The following BTAF1 variants were observed in gnomAD, a reference collection of about 807,000 sequenced individuals.
BTAF1 encodes the protein TATA-binding protein-associated factor 172.
A neutral mutation model predicts 227.1 loss-of-function variants in BTAF1; 38 were observed. The ratio of observed to expected loss-of-function variants is 0.17; its 90% CI spans 0.13 to 0.22. BTAF1 has a LOEUF of 0.22. BTAF1 is among the 10% of genes least tolerant of loss of function. BTAF1 has a pLI of 1.00. For synonymous variants in BTAF1, 742 were observed against 751.9 expected (o/e 0.99, Z 0.21); for missense variants, 1,598 against 2,204.0 (o/e 0.73, Z 5.51).
intron 19 of BTAF1, among the ~76,000 whole-genome samples, chr10:91,986,102 A>C (rs2133999683): frequency 2.0e-5 from 3 of 151,184 alleles, no homozygotes; most frequent in Middle Eastern, 6.8e-3. Flanking sequence ...AGTTTTTATG[A>C]TTTATCATTC....
intron 14 of BTAF1, among the ~76,000 whole-genome samples, chr10:91,976,296 T>C (rs1052146690): frequency 1.4e-4 from 22 of 152,322 alleles, no homozygotes; most frequent in Admixed American, 1.1e-3. Context: ...CTCTGTGCAC[T>C]CACCAACCCA....
At chr10:91,990,335 A>T (rs950968466) in intron 20 of BTAF1, among the ~76,000 whole-genome samples, 1 of 152,122 alleles carries the variant, frequency 6.6e-6, no homozygotes, top group Non-Finnish European at 1.5e-5. Context: ...CATTGGGGTC[A>T]TTCTCCCCCC....
chr10:91,974,311 A>T (rs958184472), intron 14 of BTAF1, among the ~76,000 whole-genome samples: 2 of 152,152 alleles, frequency 1.3e-5, no homozygotes, highest in Non-Finnish European at 2.9e-5. Flanking sequence ...TATAAGGGAG[A>T]TGTCCTTATT....
chr10:91,939,055 T>C (rs1332115794), intron 2 of BTAF1, among the ~76,000 whole-genome samples: 1 of 152,018 alleles, frequency 6.6e-6, no homozygotes, highest in East Asian at 1.9e-4. Flanking sequence ...ATTACTGTTG[T>C]AACAATCTGA....
At chr10:91,977,685 A>G (rs949746444) in intron 14 of BTAF1, among the ~76,000 whole-genome samples, 3 of 152,180 alleles carry the variant, frequency 2.0e-5, no homozygotes, top group African/African-American at 7.2e-5. Flanking sequence ...TCTACCAGCA[A>G]TGAGTGAGAG....
chr10:91,929,331 A>G (rs377484897), intron 1 of BTAF1, among the ~76,000 whole-genome samples: 3 of 152,342 alleles, frequency 2.0e-5, no homozygotes, highest in South Asian at 4.1e-4. Flanking sequence ...TGTGCTGTAA[A>G]GGTCATGTCT....
intron 2 of BTAF1, among the ~76,000 whole-genome samples, chr10:91,939,052 T>C (rs1844831743): frequency 6.6e-6 from 1 of 152,074 alleles, no homozygotes; most frequent in Non-Finnish European, 1.5e-5. Context: ...TATATTACTG[T>C]TGTAACAATC....
rs980700445 is a variant in BTAF1, at chr10:92,026,632, A to G, written c.5116A>G (p.Thr1706Ala). ...ATCTATAGACGTTCTGTTACTTACC[A>G]CTCACGTTGGTGGCCTGGGACTTAA... ...DPSIDVLLLT[T>A]HVGGLGLNLT... The change falls in exon 36 of 38, where the codon ACT becomes GCT. Residue 1706 changes from threonine (T) to alanine (A), a missense_variant. Physicochemically the swap from Thr to Ala is moderately conservative, Grantham distance 58 (BLOSUM62 0). Coordinates refer to ENST00000265990, the MANE Select transcript of BTAF1 (RefSeq NM_003972.3). The G allele has an allele frequency of 3.1e-6, 5 of 1,613,542 alleles. No homozygotes were observed. The African/African-American group carries it at 6.7e-5, about 22-fold the overall frequency.
intron 25 of BTAF1, among the ~76,000 whole-genome samples, chr10:92,007,210 CTTTTTTTTTTTTT>C (rs969389265): frequency 2.1e-4 from 13 of 61,268 alleles, no homozygotes; most frequent in African/African-American, 3.6e-4. Context: ...TATTTTTTGT[CTTTTTTTTTTTTT>C]TTTTTTTTTT....
intron 11 of BTAF1, among the ~76,000 whole-genome samples, chr10:91,960,991 A>C (rs1367936304): frequency 7.2e-5 from 11 of 152,228 alleles, no homozygotes; most frequent in Admixed American, 7.2e-4. Context: ...ATATATACAC[A>C]TAATATTTTT....
rs1202958132 is a variant in BTAF1, at chr10:91,970,848, A to C, written c.1650+4091A>C. Reference sequence around the variant, plus strand: ...AGCATTAAAAGACAAACTAAGCTGAAAGATCAGGAAGATTAGGTGATGTGG... The same window carrying C: ...AGCATTAAAAGACAAACTAAGCTGACAGATCAGGAAGATTAGGTGATGTGG... On this transcript the variant is annotated intron_variant, in intron 14 of 37. Coordinates refer to ENST00000265990, the MANE Select transcript of BTAF1 (RefSeq NM_003972.3). Among the ~76,000 whole-genome samples the C allele has an allele frequency of 2.6e-5, 4 of 152,226 alleles. No individual in the cohort carries two copies. The East Asian group carries it at 7.7e-4, about 29-fold the overall frequency.
chr10:92,002,595 A>T (rs1037530197), intron 25 of BTAF1, among the ~76,000 whole-genome samples: 4 of 152,160 alleles, frequency 2.6e-5, no homozygotes, highest in Non-Finnish European at 5.9e-5. Flanking sequence ...ACTTTATTTT[A>T]ATGATTATCA....
chr10:91,984,531 A>G (rs1848270848), intron 19 of BTAF1, 127 bp downstream of exon 19: 1 of 732,358 alleles, frequency 1.4e-6, no homozygotes. Context: ...GTAGCCTGTC[A>G]TCTCTACCCT....
rs1323958812 is a variant in BTAF1, at chr10:91,989,471, C to T, written c.2745C>T (p.Pro915=). The T allele has an allele frequency of 6.2e-7, 1 of 1,613,878 alleles. No homozygotes were observed. Residue 915 remains proline, a synonymous_variant, in exon 20 of 38, where the codon CCC becomes CCT. Transcript: ENST00000265990. The part of the protein sequence containing the change: ...LQQCTTRTPC[P]NSKIIKNLCS... ...AGTGCACAACAAGGACGCCCTGTCC[C>T]AATTCAAAAATTATTAAAAACCTCT...
At chr10:92,014,831 C>G (rs899932546) in intron 32 of BTAF1, among the ~76,000 whole-genome samples, 5 of 152,194 alleles carry the variant, frequency 3.3e-5, no homozygotes, top group Non-Finnish European at 7.3e-5. Flanking sequence ...AGTGTACTTA[C>G]ACACACCTAG....
intron 25 of BTAF1, among the ~76,000 whole-genome samples, chr10:92,003,072 C>T (rs1331470931): frequency 6.6e-6 from 1 of 151,040 alleles, no homozygotes; most frequent in Non-Finnish European, 1.5e-5. Context: ...AGGAGAATCG[C>T]TTGAACCTGG....
intron 34 of BTAF1, among the ~76,000 whole-genome samples, chr10:92,021,966 G>C (rs1415550394): frequency 1.3e-5 from 2 of 152,178 alleles, no homozygotes; most frequent in Non-Finnish European, 2.9e-5. Flanking sequence ...GCTGAAGTTA[G>C]GGCAAGATAA....
chr10:91,982,668 G>A lies in BTAF1; in HGVS notation c.2130G>A (p.Leu710=), dbSNP rs1431934448. The A allele has an allele frequency of 2.5e-6, 4 of 1,613,838 alleles. No individual in the cohort carries two copies. The highest frequency in any genetic ancestry group is 3.4e-6 in the Non-Finnish European group (4 of 1,179,860). Residue 710 remains leucine (L), a synonymous_variant, in exon 18 of 38, where the codon CTG becomes CTA. Coordinates refer to ENST00000265990, the MANE Select transcript of BTAF1 (RefSeq NM_003972.3). ...VTQEIKPAES[L]GQLLLFHLNS... ...AAGAAATTAAACCAGCTGAATCCCT[G>A]GGCCAGTTACTACTCTTCCATTTGA...
chr10:91,991,271 A>ATATATATAT (rs1564699914), intron 20 of BTAF1, among the ~76,000 whole-genome samples: 1,115 of 66,122 alleles, frequency 0.017, 46 homozygotes, highest in Non-Finnish European at 0.034. Flanking sequence ...TATAAATATA[A>ATATATATAT]ATATATATAT....
Sources: allele counts gnomAD v4.1 joint callset (sites outside exome capture counted in the v4.1 genomes callset), GRCh38; gene constraint gnomAD v4.1.1; transcripts MANE v1.5; gene names NCBI Gene and HGNC (gene_info 2026-07-23, HGNC 2026-07-21).